The following LRBA variants were observed in gnomAD, a reference collection of about 807,000 sequenced individuals.
The protein encoded by LRBA is LPS responsive beige-like anchor protein, also known as lipopolysaccharide-responsive and beige-like anchor protein.
LRBA carries 176 observed loss-of-function variants against 330.0 expected under a neutral mutation model. The ratio of observed to expected loss-of-function variants is 0.53; its 90% CI spans 0.47 to 0.60. The LOEUF (loss-of-function observed/expected upper bound fraction) is 0.60, where lower values mean the gene tolerates loss of function less well. Ranked by LOEUF, LRBA falls within the 20% of genes least tolerant of loss-of-function variation. The pLI, the probability that LRBA is intolerant of heterozygous loss-of-function variation, is 0.00. For synonymous variants in LRBA, 1,230 were observed against 1,193.0 expected, an observed-to-expected ratio of 1.03 and a Z score of -0.64; for missense variants, 3,259 against 3,444.8, an observed-to-expected ratio of 0.95 and a Z score of 1.35.
rs534717944 is a variant in LRBA, at chr4:150,865,995, C to T, written c.2766+1676G>A. On this transcript the variant is annotated intron_variant, in intron 22 of 56. Coordinates refer to ENST00000651943, the MANE Select transcript of LRBA (RefSeq NM_001364905.1). ...CCTCCCAAAGTGCTGGGATTACAGG[C>T]GTGAGCCACCACACCTGGCCAGAAA... Among the ~76,000 whole-genome samples, 8 of 152,178 alleles carry T rather than the reference C, an allele frequency of 5.3e-5. No individual in the cohort carries two copies. The East Asian group carries it at 7.7e-4, about 15-fold the overall frequency.
chr4:150,571,213 G>A (rs774718326), intron 40 of LRBA, among the ~76,000 whole-genome samples: 8 of 151,500 alleles, frequency 5.3e-5, no homozygotes, highest in African/African-American at 9.7e-5. Flanking sequence ...AAAAAGCAAC[G>A]TGTTCAGGAG....
chr4:150,705,742 T>C (rs1050158785), intron 36 of LRBA, among the ~76,000 whole-genome samples: 2 of 152,010 alleles, frequency 1.3e-5, no homozygotes, highest in African/African-American at 4.8e-5. Context: ...AAATTGAACA[T>C]TCTTCATTTA....
At position 150,613,933 on chromosome 4, in the gene LRBA, C is replaced by G. The variant is rs113266760; in HGVS notation, c.5922-14802G>C. Among the ~76,000 whole-genome samples, 190 of 152,332 alleles carry G rather than the reference C, an allele frequency of 1.2e-3. 3 individuals are homozygous for G. The highest frequency in any genetic ancestry group is 4.5e-3 in the African/African-American group (186 of 41,576). Reference sequence around the variant, plus strand: ...GACAGTATTCCCTACTCTGATTCAGCCTGTTCCAAGACCACCCCGCTAGCC... The same window carrying G: ...GACAGTATTCCCTACTCTGATTCAGGCTGTTCCAAGACCACCCCGCTAGCC... On this transcript the variant is annotated intron_variant, in intron 37 of 56. Coordinates refer to ENST00000651943, the MANE Select transcript of LRBA (RefSeq NM_001364905.1).
intron 54 of LRBA, among the ~76,000 whole-genome samples, chr4:150,283,255 C>G (rs1293629928): frequency 6.6e-6 from 1 of 152,158 alleles, no homozygotes; most frequent in Admixed American, 6.5e-5. Flanking sequence ...CTGAGTGAAG[C>G]CACCTCCCTG....
chr4:150,265,669 C>T lies in LRBA; in HGVS notation c.*53G>A. 4 of 1,118,856 alleles carry T rather than the reference C, an allele frequency of 3.6e-6. No homozygotes were observed. The highest frequency in any genetic ancestry group is 1.7e-5 in the Admixed American group (1 of 59,210). The allele number at this position is 1,118,856 out of a possible 1,614,324, so 69.3% of individuals were successfully genotyped here. A position where few individuals can be genotyped will look rare whatever the true frequency, so the allele number is the denominator to read the frequency against. On this transcript the variant is annotated 3_prime_UTR_variant, in exon 57 of 57. Transcript: ENST00000651943. ...TCAGATGTGGTAGAAGAGAATGATG[C>T]TCCAGGTACTTCTGCTCATCCTAGG...
At chr4:150,986,500 A>G (rs1220552724) in intron 2 of LRBA, among the ~76,000 whole-genome samples, 2 of 152,194 alleles carry the variant, frequency 1.3e-5, no homozygotes, top group African/African-American at 4.8e-5. Flanking sequence ...ATGCTAAAAC[A>G]TGGTCTGAAA....
intron 36 of LRBA, among the ~76,000 whole-genome samples, chr4:150,690,361 G>A (rs1309361733): frequency 6.6e-6 from 1 of 151,974 alleles, no homozygotes; most frequent in Non-Finnish European, 1.5e-5. Context: ...AAAGTAGTTT[G>A]GCATGGTGGC....
chr4:150,643,628 C>T (rs150652546), intron 37 of LRBA, among the ~76,000 whole-genome samples: 160 of 152,006 alleles, frequency 1.1e-3, no homozygotes, highest in African/African-American at 3.6e-3. Context: ...GCAAAATGAT[C>T]TAGTGCTCAT....
intron 26 of LRBA, among the ~76,000 whole-genome samples, chr4:150,847,952 G>C (rs1750069045): frequency 6.6e-6 from 1 of 152,012 alleles, no homozygotes; most frequent in African/African-American, 2.4e-5. Flanking sequence ...GTGTTTGTAA[G>C]AAAAGCAGCA....
At chr4:151,006,530 T>G (rs1744094118) in intron 2 of LRBA, among the ~76,000 whole-genome samples, 1 of 152,084 alleles carries the variant, frequency 6.6e-6, no homozygotes, top group South Asian at 2.1e-4. Flanking sequence ...AAATGCATTG[T>G]GGACATTTCT....
intron 41 of LRBA, among the ~76,000 whole-genome samples, chr4:150,489,757 TAC>T (rs1487086887): frequency 1.9e-4 from 25 of 134,234 alleles, no homozygotes; most frequent in Non-Finnish European, 2.7e-4. Flanking sequence ...GAATATATTA[TAC>T]ATATATATTC....
At chr4:150,506,165 T>G (rs1433667552) in intron 40 of LRBA, among the ~76,000 whole-genome samples, 2 of 151,208 alleles carry the variant, frequency 1.3e-5, no homozygotes, top group Non-Finnish European at 3.0e-5. Context: ...GGAGCTGGTA[T>G]CATTCCTTCT....
chr4:150,524,149 G>A (rs560472489), intron 40 of LRBA, among the ~76,000 whole-genome samples: 1 of 152,280 alleles, frequency 6.6e-6, no homozygotes, highest in South Asian at 2.1e-4. Flanking sequence ...ATACAGGAGA[G>A]TACTTATAGT....
intron 37 of LRBA, among the ~76,000 whole-genome samples, chr4:150,683,167 AG>A (rs1301376740): frequency 6.6e-6 from 1 of 152,164 alleles, no homozygotes; most frequent in Middle Eastern, 3.2e-3. Context: ...AAAAGAGCAT[AG>A]TTTTTTAAAA....
At chr4:150,952,010 C>G (rs980718461) in intron 2 of LRBA, among the ~76,000 whole-genome samples, 16 of 152,208 alleles carry the variant, frequency 1.1e-4, no homozygotes, top group African/African-American at 3.9e-4. Flanking sequence ...GAGGATATCA[C>G]ACCTTGCTGT....
chr4:150,805,325 A>AAAGGAAAGGAAAGGAGAAGGAG (rs1560841342), intron 33 of LRBA, among the ~76,000 whole-genome samples: 39 of 134,424 alleles, frequency 2.9e-4, no homozygotes, highest in African/African-American at 1.1e-3. Context: ...AAAGGAAAGG[A>AAAGGAAAGGAAAGGAGAAGGAG]AAGGAAAGGA....
In LRBA at chr4:150,330,550, G is replaced by A. The variant is rs945965615; in HGVS notation, c.7363-4652C>T. Among the ~76,000 whole-genome samples the A allele has an allele frequency of 4.6e-5, 7 of 152,226 alleles. No individual in the cohort carries two copies. In the East Asian group the frequency reaches 1.2e-3, roughly 25 times the overall value. Reference sequence around the variant, plus strand: ...TTTGGGATGAAACCGTTTTACCTGAGATGACCAGGCATTAGATTCTCATAG... The same window carrying A: ...TTTGGGATGAAACCGTTTTACCTGAAATGACCAGGCATTAGATTCTCATAG... On this transcript the variant is annotated intron_variant, in intron 48 of 56. Transcript: ENST00000651943.
In LRBA at chr4:150,852,822, C is replaced by A. The variant is rs1379517467; in HGVS notation, c.2888G>T (p.Arg963Met). 1 of 1,613,816 alleles carries A rather than the reference C, an allele frequency of 6.2e-7. No individual in the cohort carries two copies. The highest frequency in any genetic ancestry group is 1.3e-5 in the African/African-American group (1 of 74,912). Residue 963 changes from arginine (R) to methionine (M), a missense_variant, in exon 23 of 57, where the codon AGG becomes ATG. By Grantham distance (91) the Arg-to-Met change is moderately conservative. Transcript: ENST00000651943. Reference sequence around the variant, plus strand: ...GGATCCTACTGAAACATTAATATCCCTTCTAATGCCAGAGGCTGCTTGAAC... The same window carrying A: ...GGATCCTACTGAAACATTAATATCCATTCTAATGCCAGAGGCTGCTTGAAC... ...TSVQAASGIR[R>M]DINVSVGSQQ...
intron 40 of LRBA, chr4:150,584,472 T>TC (rs67191302): frequency 0.014 from 1,818 of 129,026 alleles, 42 homozygotes; most frequent in African/African-American, 0.063. Flanking sequence ...CTCCACCCCA[T>TC]CCCCCCCCCC....
Sources: gnomAD v4.1 joint callset for allele counts (sites outside exome capture counted in the v4.1 genomes callset) on GRCh38, gnomAD v4.1.1 for gene constraint, MANE v1.5 for transcripts, NCBI Gene and HGNC (gene_info 2026-07-23, HGNC 2026-07-21) for gene names.